Variants in MAPK10 observed in about 807,000 individuals in gnomAD.
MAPK10 encodes mitogen-activated protein kinase 10, also known as JNK3 alpha protein kinase.
Under a neutral mutation model 59.3 loss-of-function variants are expected in MAPK10, and 25 were observed. The observed-to-expected ratio is 0.42, with a 90% CI of 0.31 to 0.59. The LOEUF is 0.59. Ranked by LOEUF, MAPK10 falls within the 20% of genes least tolerant of loss-of-function variation. The pLI is 0.15. For missense variants in MAPK10, 351 were observed against 568.9 expected, an observed-to-expected ratio of 0.62 and a Z score of 3.90; for synonymous variants, 190 against 200.5, an observed-to-expected ratio of 0.95 and a Z score of 0.44.
chr4:86,549,110 A>G lies in MAPK10; in HGVS notation c.-263+44800T>C, dbSNP rs528249662. On this transcript the variant is annotated intron_variant, in intron 1 of 4. Transcript: ENST00000502302. ...TAATATATGTAAAATATAAAAGCTT[A>G]TATATTATTAAACATCAAGTAAAAA... is the stretch of plus-strand genomic sequence containing the variant. Among the ~76,000 whole-genome samples, 5 of 152,246 alleles carry G rather than the reference A, an allele frequency of 3.3e-5. No individual in the cohort carries two copies. In the South Asian group the frequency reaches 1.0e-3, roughly 32 times the overall value.
At chr4:86,372,564 G>GAAAGAAAGAAAGA in intron 1 of MAPK10, among the ~76,000 whole-genome samples, 2,737 of 76,842 alleles carry the variant, frequency 0.036, 39 homozygotes, top group Admixed American at 0.04. Context: ...AAGAAAGAAA[G>GAAAGAAAGAAAGA]AAAGAAAAGA....
intron 1 of MAPK10, among the ~76,000 whole-genome samples, chr4:86,531,140 G>A (rs1194167428): frequency 6.6e-6 from 1 of 152,168 alleles, no homozygotes; most frequent in African/African-American, 2.4e-5. Flanking sequence ...AAATTGAAGA[G>A]CACTGGGGAT....
intron 4 of MAPK10, among the ~76,000 whole-genome samples, chr4:86,144,287 AT>A (rs1350641958): frequency 1.8e-4 from 28 of 152,260 alleles, no homozygotes; most frequent in African/African-American, 6.5e-4. Context: ...ATTTTACAAG[AT>A]TATTTGAATC....
chr4:86,165,289 C>G (rs758876790), intron 3 of MAPK10, among the ~76,000 whole-genome samples: 49 of 152,104 alleles, frequency 3.2e-4, no homozygotes, highest in Admixed American at 1.1e-3. Context: ...CAAAGTCAGC[C>G]AAAATAATGC....
chr4:86,142,017 T>A (rs1163134441), intron 4 of MAPK10, among the ~76,000 whole-genome samples: 1 of 152,144 alleles, frequency 6.6e-6, no homozygotes, highest in African/African-American at 2.4e-5. Flanking sequence ...ACCCACTTTC[T>A]TGGGAACTGA....
chr4:86,288,801 A>T (rs1311072223), intron 2 of MAPK10, among the ~76,000 whole-genome samples: 6 of 152,130 alleles, frequency 3.9e-5, no homozygotes, highest in Non-Finnish European at 8.8e-5. Flanking sequence ...AGGTTTTTAA[A>T]TAGGAGGGTA....
chr4:86,468,439 C>A (rs1291565914), intron 1 of MAPK10, among the ~76,000 whole-genome samples: 1 of 152,146 alleles, frequency 6.6e-6, no homozygotes, highest in Non-Finnish European at 1.5e-5. Context: ...TACTTTTATG[C>A]ATTTTGAATT....
upstream of MAPK10, among the ~76,000 whole-genome samples, chr4:86,456,977 T>C (rs532652990): frequency 6.6e-6 from 1 of 152,308 alleles, no homozygotes; most frequent in African/African-American, 2.4e-5. Flanking sequence ...GTGGGTTTCA[T>C]ACCAGGGATG....
chr4:86,151,269 A>T (rs1026281863), intron 4 of MAPK10, among the ~76,000 whole-genome samples: 2 of 152,156 alleles, frequency 1.3e-5, no homozygotes, highest in African/African-American at 4.8e-5. Flanking sequence ...GTAGGAGGTA[A>T]GACCTTCTGT....
chr4:86,329,169 A>G (rs2096092368), intron 2 of MAPK10, among the ~76,000 whole-genome samples: 2 of 152,186 alleles, frequency 1.3e-5, no homozygotes, highest in African/African-American at 4.8e-5. Flanking sequence ...GTGAAAAAAT[A>G]AACTTCTGTG....
chr4:86,593,013 G>GT lies in MAPK10; in HGVS notation c.-263+896dup, dbSNP rs1252212725. On this transcript the variant is annotated intron_variant, in intron 1 of 4. Coordinates refer to the MAPK10 transcript ENST00000502302. ...AATCCTGCTGTGTATTTTCCGTTGT[G>GT]TTTAGCCCTATGAGTAATCACATTC... 3.3e-5 allele frequency among the ~76,000 whole-genome samples: 5 copies of GT among 152,310 alleles called. No individual in the cohort carries two copies. The East Asian group carries it at 7.7e-4, about 23-fold the overall frequency.
intron 1 of MAPK10, among the ~76,000 whole-genome samples, chr4:86,387,550 G>A (rs1483118743): frequency 6.6e-6 from 1 of 152,126 alleles, no homozygotes; most frequent in Non-Finnish European, 1.5e-5. Context: ...TTGGACTGGA[G>A]CAAGTCCCTG....
At chr4:86,255,182 A>T (rs531903422) in intron 2 of MAPK10, among the ~76,000 whole-genome samples, 8 of 152,274 alleles carry the variant, frequency 5.3e-5, no homozygotes, top group Admixed American at 5.2e-4. Flanking sequence ...AAGCCCTCCT[A>T]GCTGAGTTTT....
intron 2 of MAPK10, among the ~76,000 whole-genome samples, chr4:86,288,726 G>A (rs1388498433): frequency 6.6e-6 from 1 of 152,122 alleles, no homozygotes; most frequent in Non-Finnish European, 1.5e-5. Flanking sequence ...TTCTCCTCCA[G>A]AGGCTCATAG....
chr4:86,369,441 G>C (rs1157532313), intron 1 of MAPK10, among the ~76,000 whole-genome samples: 2 of 152,062 alleles, frequency 1.3e-5, no homozygotes, highest in Non-Finnish European at 2.9e-5. Context: ...ACAAGTAATA[G>C]TAATACATGA....
intron 2 of MAPK10, among the ~76,000 whole-genome samples, chr4:86,293,957 C>T (rs550511794): frequency 9.9e-5 from 15 of 152,126 alleles, no homozygotes; most frequent in South Asian, 2.1e-4. Context: ...CAAACTACAC[C>T]GCTCTGCCTG....
intron 1 of MAPK10, among the ~76,000 whole-genome samples, chr4:86,452,332 G>T (rs1642689741): frequency 6.6e-6 from 1 of 152,158 alleles, no homozygotes; most frequent in Admixed American, 6.5e-5. Flanking sequence ...GCCAATCCAG[G>T]TATTAGACAT....
At chr4:86,304,029 G>A (rs1476048932) in intron 2 of MAPK10, among the ~76,000 whole-genome samples, 3 of 152,060 alleles carry the variant, frequency 2.0e-5, no homozygotes, top group East Asian at 1.9e-4. Context: ...AGTCTTGAAC[G>A]GTTTATTCTG....
chr4:86,524,669 T>C (rs1163134402), intron 1 of MAPK10, among the ~76,000 whole-genome samples: 1 of 152,166 alleles, frequency 6.6e-6, no homozygotes, highest in Non-Finnish European at 1.5e-5. Context: ...TAAACATGTT[T>C]CTGGTCATGT....
Sources: gnomAD v4.1 joint callset for allele counts (sites outside exome capture counted in the v4.1 genomes callset) on GRCh38, gnomAD v4.1.1 for gene constraint, MANE v1.5 for transcripts, NCBI Gene and HGNC (gene_info 2026-07-23, HGNC 2026-07-21) for gene names.